Variants in KIRREL3 observed in about 807,000 individuals in gnomAD.
The protein encoded by KIRREL3 is kirre like nephrin family adhesion molecule 3.
KIRREL3 carries 36 observed loss-of-function variants against 89.7 expected under a neutral mutation model. The observed-to-expected ratio is 0.40, with a 90% CI of 0.31 to 0.53. The LOEUF (loss-of-function observed/expected upper bound fraction) is 0.53. Among genes scored for constraint, KIRREL3 ranks in the 20% least tolerant of loss-of-function variants. The pLI is 0.49. For synonymous variants in KIRREL3, 445 were observed against 441.4 expected (o/e 1.01, Z -0.10); for missense variants, 864 against 1,056.6 (o/e 0.82, Z 2.53).
intron 1 of KIRREL3, among the ~76,000 whole-genome samples, chr11:126,725,186 AC>A (rs1263760599): frequency 6.6e-6 from 1 of 152,194 alleles, no homozygotes; most frequent in African/African-American, 2.4e-5. Flanking sequence ...AAGTCACGTG[AC>A]CCAGTGTGAT....
chr11:126,844,664 C>T lies in KIRREL3; in HGVS notation c.55+155791G>A, dbSNP rs1240854060. Among the ~76,000 whole-genome samples the T allele has an allele frequency of 1.3e-5, 2 of 152,132 alleles. No individual in the cohort carries two copies. The highest frequency in any genetic ancestry group is 2.9e-5 in the Non-Finnish European group (2 of 68,032). On this transcript the variant is annotated intron_variant, in intron 1 of 16. Transcript: ENST00000525144. This position sits in a 1 kb window ranked among gnomAD's most constrained non-coding sequence, Gnocchi z 4.8. ...TTCCTAAGATTTAGGGAATTAGAGG[C>T]CTCTCTTGGTAAAGTCTCTCTCAGC... is the stretch of plus-strand genomic sequence containing the variant.
intron 1 of KIRREL3, among the ~76,000 whole-genome samples, chr11:126,856,191 T>G (rs558962053): frequency 1.2e-4 from 19 of 152,298 alleles, no homozygotes; most frequent in African/African-American, 4.3e-4. Context: ...TAATGAAACC[T>G]GTGGAATTAA....
intron 1 of KIRREL3, among the ~76,000 whole-genome samples, chr11:126,858,043 C>T (rs1944587745): frequency 6.6e-6 from 1 of 152,214 alleles, no homozygotes; most frequent in Non-Finnish European, 1.5e-5. Flanking sequence ...CAGGTCCCCA[C>T]TTACCGTGTG....
At chr11:126,577,461 C>T (rs1013211551) in intron 1 of KIRREL3, among the ~76,000 whole-genome samples, 5 of 151,856 alleles carry the variant, frequency 3.3e-5, no homozygotes, top group East Asian at 1.9e-4. Context: ...AGAAACTAAC[C>T]GCTGGCCTGG....
rs1946704581 is a variant in KIRREL3, at chr11:126,687,354, A to G, written c.56-124442T>C. 3.3e-5 allele frequency among the ~76,000 whole-genome samples: 5 copies of G among 152,144 alleles called. No individual in the cohort carries two copies. The highest frequency in any genetic ancestry group is 1.2e-4 in the African/African-American group (5 of 41,430). On this transcript the variant is annotated intron_variant, in intron 1 of 16. Transcript: ENST00000525144. The surrounding 1 kb of genome is among the most constrained non-coding windows in gnomAD (Gnocchi z 4.6). ...AAATCAACGCATACCTCCCAACATA[A>G]CATCCCCAAATTTACCTAGCCCAGA... is the stretch of plus-strand genomic sequence containing the variant.
rs560909552 is a variant in KIRREL3, at chr11:126,589,373, C to T, written c.56-26461G>A. Among the ~76,000 whole-genome samples, 4 of 152,310 alleles carry T rather than the reference C, an allele frequency of 2.6e-5. No individual in the cohort carries two copies. In the East Asian group the frequency reaches 5.8e-4, roughly 22 times the overall value. ...TGGGGGCACTGTGGCCAGCTTTGTC[C>T]GGGAACTGTGCTGCTCCTGGTCCAG... is the stretch of plus-strand genomic sequence containing the variant. On this transcript the variant is annotated intron_variant, in intron 1 of 16. Transcript: ENST00000525144.
chr11:126,949,253 T>C (rs1388349967), intron 1 of KIRREL3, among the ~76,000 whole-genome samples: 2 of 152,150 alleles, frequency 1.3e-5, no homozygotes, highest in Non-Finnish European at 2.9e-5. Flanking sequence ...ATCATTGTGG[T>C]TGGGTGATCT....
At chr11:126,438,323 C>T (rs1418952949) in intron 11 of KIRREL3, among the ~76,000 whole-genome samples, 2 of 152,278 alleles carry the variant, frequency 1.3e-5, no homozygotes, top group Admixed American at 6.5e-5. Context: ...GCCACATACA[C>T]TGTCTGCACC....
intron 1 of KIRREL3, among the ~76,000 whole-genome samples, chr11:126,680,415 T>TATATATATACAC (rs551073557): frequency 1.7e-4 from 26 of 151,598 alleles, no homozygotes; most frequent in African/African-American, 6.3e-4. Context: ...TATATATATA[T>TATATATATACAC]ACACATAGCC....
At chr11:126,826,737 CA>C (rs1452975459) in intron 1 of KIRREL3, among the ~76,000 whole-genome samples, 1 of 152,208 alleles carries the variant, frequency 6.6e-6, no homozygotes, top group Non-Finnish European at 1.5e-5. Context: ...AACCTGACAG[CA>C]CCATTTCTAC....
intron 4 of KIRREL3, among the ~76,000 whole-genome samples, chr11:126,481,960 C>A (rs1025024870): frequency 6.6e-6 from 1 of 152,258 alleles, no homozygotes; most frequent in Non-Finnish European, 1.5e-5. Context: ...CTTCTTACCT[C>A]AATTCCTCCT....
intron 1 of KIRREL3, among the ~76,000 whole-genome samples, chr11:126,731,905 T>A (rs3862639): frequency 2.0e-5 from 3 of 152,218 alleles, no homozygotes; most frequent in African/African-American, 7.2e-5. Context: ...ACGCTGGAAA[T>A]AGTAGCTACT....
intron 1 of KIRREL3, among the ~76,000 whole-genome samples, chr11:126,801,453 TTCTGTGTGGGG>T (rs1951030075): frequency 6.6e-6 from 1 of 152,204 alleles, no homozygotes; most frequent in African/African-American, 2.4e-5. Context: ...CTCAGAGTAT[TTCTGTGTGGGG>T]TAACCATCCC....
intron 1 of KIRREL3, among the ~76,000 whole-genome samples, chr11:126,852,158 A>G (rs921896577): frequency 2.0e-5 from 3 of 148,006 alleles, no homozygotes; most frequent in African/African-American, 7.6e-5. Flanking sequence ...GGTTCAAGCG[A>G]TTCTCCTGCC....
chr11:126,487,689 C>T (rs940961805), intron 4 of KIRREL3, among the ~76,000 whole-genome samples: 1 of 152,248 alleles, frequency 6.6e-6, no homozygotes, highest in African/African-American at 2.4e-5. Context: ...TTCTCATCTA[C>T]AGTCTGGCCT....
intron 1 of KIRREL3, among the ~76,000 whole-genome samples, chr11:126,813,465 G>C (rs888193273): frequency 6.6e-6 from 1 of 152,118 alleles, no homozygotes; most frequent in Non-Finnish European, 1.5e-5. Context: ...TGGTTAAAAA[G>C]TTATAAATAT....
chr11:126,765,318 T>C (rs751198834), intron 1 of KIRREL3, among the ~76,000 whole-genome samples: 3 of 152,230 alleles, frequency 2.0e-5, no homozygotes, highest in Admixed American at 6.5e-5. Flanking sequence ...TTCAAGCTTA[T>C]CTACACATGA....
chr11:126,539,308 G>A (rs150767843), intron 2 of KIRREL3, among the ~76,000 whole-genome samples: 45 of 152,296 alleles, frequency 3.0e-4, no homozygotes, highest in African/African-American at 9.9e-4. Context: ...TTAGTACAGC[G>A]CAAATCTAGA....
chr11:126,499,285 C>T (rs548459952), intron 4 of KIRREL3, among the ~76,000 whole-genome samples: 3 of 152,274 alleles, frequency 2.0e-5, no homozygotes, highest in African/African-American at 7.2e-5. Context: ...GGTGACTCTC[C>T]GCCCCACTTT....
Sources: allele counts gnomAD v4.1 joint callset (sites outside exome capture counted in the v4.1 genomes callset), GRCh38; gene constraint gnomAD v4.1.1; non-coding constraint Gnocchi (gnomAD v3.1); transcripts MANE v1.5; gene names NCBI Gene and HGNC (gene_info 2026-07-23, HGNC 2026-07-21).